Variants in MCTP1 observed in about 807,000 individuals in gnomAD.
MCTP1 encodes multiple C2 and transmembrane domain containing 1.
In MCTP1, 69 loss-of-function variants were observed where a neutral mutation model predicts 120.6. The observed-to-expected ratio is 0.57, with a 90% CI of 0.47 to 0.70. The LOEUF (loss-of-function observed/expected upper bound fraction) is 0.70, where lower values mean the gene tolerates loss of function less well. MCTP1 is among the 30% of genes least tolerant of loss of function. The pLI is 0.00. For missense variants in MCTP1, 1,203 were observed against 1,248.8 expected, an observed-to-expected ratio of 0.96 and a Z score of 0.55; for synonymous variants, 529 against 493.1, an observed-to-expected ratio of 1.07 and a Z score of -0.96.
Position 95,262,371 on chromosome 5 carries a change from C to T in MCTP1, c.720+21485G>A, listed in dbSNP as rs146951044. ...CCATGGCTCCAAGCACAGTAACTCC[C>T]ATAAGGTAAACACTCTGTAAACACC... is the stretch of plus-strand genomic sequence containing the variant. On this transcript the variant is annotated intron_variant, in intron 1 of 22. Coordinates refer to ENST00000515393, the MANE Select transcript of MCTP1 (RefSeq NM_024717.7). Among the ~76,000 whole-genome samples the T allele has an allele frequency of 3.3e-5, 5 of 152,244 alleles. No homozygotes were observed. In the South Asian group the frequency reaches 8.3e-4, roughly 25 times the overall value.
At chr5:94,903,619 T>G (rs141579633) in intron 10 of MCTP1, among the ~76,000 whole-genome samples, 69 of 152,304 alleles carry the variant, frequency 4.5e-4, no homozygotes, top group African/African-American at 1.6e-3. Context: ...TCGTTAAAAT[T>G]AAGCCCTTGA....
At chr5:94,819,898 G>A (rs1011791088) in intron 17 of MCTP1, among the ~76,000 whole-genome samples, 4 of 152,196 alleles carry the variant, frequency 2.6e-5, no homozygotes, top group Admixed American at 6.5e-5. Context: ...TAAGTTGCAC[G>A]AAGTCCTCTG....
intron 19 of MCTP1, among the ~76,000 whole-genome samples, chr5:94,757,863 G>A (rs1478222707): frequency 6.6e-6 from 1 of 152,208 alleles, no homozygotes; most frequent in Non-Finnish European, 1.5e-5. Context: ...GAAAACCAAA[G>A]TGTTAGAGTA....
intron 19 of MCTP1, among the ~76,000 whole-genome samples, chr5:94,759,418 G>A (rs931838775): frequency 1.3e-5 from 2 of 151,986 alleles, no homozygotes; most frequent in East Asian, 3.9e-4. Context: ...TAATGTAGGA[G>A]AAACTAAAGG....
intron 17 of MCTP1, among the ~76,000 whole-genome samples, chr5:94,843,338 T>A (rs1186426941): frequency 3.3e-5 from 5 of 151,988 alleles, no homozygotes; most frequent in Non-Finnish European, 5.9e-5. Context: ...CATAGAGTGG[T>A]TTTTTGAGGA....
Position 95,281,589 on chromosome 5 carries a change from G to A in MCTP1, c.720+2267C>T, listed in dbSNP as rs148890369. On this transcript the variant is annotated intron_variant, in intron 1 of 22. Coordinates refer to ENST00000515393, the MANE Select transcript of MCTP1 (RefSeq NM_024717.7). ...GTCTGGCATTGGGCAAGTCCCTCAG[G>A]GTTTACCATTCTGTCTGCCTATATC... is the stretch of plus-strand genomic sequence containing the variant. Among the ~76,000 whole-genome samples the A allele has an allele frequency of 2.9e-3, 441 of 152,082 alleles. 2 individuals are homozygous for A. Among genetic ancestry groups the A allele is most frequent in the African/African-American group, 9.9e-3 (410 of 41,478 alleles).
At chr5:95,017,987 T>C (rs1199083472) in intron 1 of MCTP1, among the ~76,000 whole-genome samples, 1 of 152,108 alleles carries the variant, frequency 6.6e-6, no homozygotes, top group Non-Finnish European at 1.5e-5. Context: ...AATTTAATTA[T>C]ATAGAAATAA....
At chr5:95,112,503 C>A (rs1430368928) in intron 1 of MCTP1, among the ~76,000 whole-genome samples, 2 of 152,150 alleles carry the variant, frequency 1.3e-5, no homozygotes, top group Non-Finnish European at 2.9e-5. Context: ...TTTTTAACTT[C>A]CATTTGAAGT....
intron 5 of MCTP1, among the ~76,000 whole-genome samples, chr5:94,935,761 G>C (rs1000985879): frequency 2.0e-5 from 3 of 152,004 alleles, no homozygotes; most frequent in African/African-American, 7.2e-5. Context: ...TGTAAAATTT[G>C]CCTTTATTCC....
intron 17 of MCTP1, among the ~76,000 whole-genome samples, chr5:94,837,678 A>G (rs949345070): frequency 1.3e-5 from 2 of 152,198 alleles, no homozygotes; most frequent in Non-Finnish European, 2.9e-5. Context: ...TTCTTCAAGT[A>G]TCTTTCATGT....
intron 17 of MCTP1, among the ~76,000 whole-genome samples, chr5:94,845,941 C>T (rs1792226028): frequency 6.6e-6 from 1 of 152,098 alleles, no homozygotes; most frequent in South Asian, 2.1e-4. Context: ...AAATCAAAAC[C>T]ACAGTGAGAT....
At chr5:95,212,870 A>C (rs992269057) in intron 1 of MCTP1, among the ~76,000 whole-genome samples, 2 of 152,224 alleles carry the variant, frequency 1.3e-5, no homozygotes, top group Non-Finnish European at 2.9e-5. Flanking sequence ...ATCTCAAAAT[A>C]ATAAGAGCTA....
intron 17 of MCTP1, among the ~76,000 whole-genome samples, chr5:94,816,449 T>C (rs960900256): frequency 1.3e-4 from 20 of 152,254 alleles, no homozygotes; most frequent in African/African-American, 4.6e-4. Flanking sequence ...TGAATTAATA[T>C]AGTACTGTTA....
At chr5:95,081,842 T>C in intron 1 of MCTP1, 2 of 1,013,042 alleles carry the variant, frequency 2.0e-6, no homozygotes, top group Non-Finnish European at 1.2e-6. Context: ...AAACATGCAG[T>C]GTTAGTAGTC....
Position 95,284,642 on chromosome 5 carries a change from G to A in MCTP1, c.-67C>T. On this transcript the variant is annotated 5_prime_UTR_variant, in exon 1 of 23. Transcript: ENST00000515393. This position sits in a 1 kb window ranked among gnomAD's most constrained non-coding sequence, Gnocchi z 5.2. Reference sequence around the variant, plus strand: ...CTCCTCCTGCTTCTCCTCCCTCTTCGGCTGCACCTCCTCCCGGGTCCCCGC... The same window carrying A: ...CTCCTCCTGCTTCTCCTCCCTCTTCAGCTGCACCTCCTCCCGGGTCCCCGC... The A allele has an allele frequency of 7.9e-7, 1 of 1,272,234 alleles. No individual in the cohort carries two copies. Among genetic ancestry groups the A allele is most frequent in the Non-Finnish European group, 1.0e-6 (1 of 979,538 alleles). 78.8% of individuals were successfully genotyped at this position (1,272,234 alleles called of 1,614,324 possible). A position where few individuals can be genotyped will look rare whatever the true frequency, so the allele number is the denominator to read the frequency against.
chr5:95,020,204 T>C (rs1837932894), intron 1 of MCTP1, among the ~76,000 whole-genome samples: 1 of 152,066 alleles, frequency 6.6e-6, no homozygotes, highest in African/African-American at 2.4e-5. Context: ...TAGTCTTCAT[T>C]GCTATGTTCA....
chr5:95,151,130 C>CAT (rs3037035), intron 1 of MCTP1, among the ~76,000 whole-genome samples: 15,471 of 125,756 alleles, frequency 0.12, 1,043 homozygotes, highest in Non-Finnish European at 0.15. Flanking sequence ...ACGCCTGGCT[C>CAT]ATATATATAT....
intron 19 of MCTP1, among the ~76,000 whole-genome samples, chr5:94,759,317 AAACCTGAACAC>A (rs923566222): frequency 3.9e-5 from 6 of 152,214 alleles, no homozygotes; most frequent in African/African-American, 1.4e-4. Flanking sequence ...TTTCATGTAG[AAACCTGAACAC>A]AACCCCACCA....
intron 6 of MCTP1, chr5:94,930,879 T>C (rs1814497482): frequency 1.3e-5 from 2 of 152,248 alleles, no homozygotes; most frequent in South Asian, 4.1e-4. Context: ...TTAGTGAAAA[T>C]CACAGTGAAC....
Sources: allele counts gnomAD v4.1 joint callset (sites outside exome capture counted in the v4.1 genomes callset), GRCh38; gene constraint gnomAD v4.1.1; non-coding constraint Gnocchi (gnomAD v3.1); transcripts MANE v1.5; gene names NCBI Gene and HGNC (gene_info 2026-07-23, HGNC 2026-07-21).